SYNE3: variants seen among roughly 807,000 people sequenced by gnomAD.
SYNE3 encodes the protein spectrin repeat containing nuclear envelope family member 3.
A neutral mutation model predicts 111.2 loss-of-function variants in SYNE3; 100 were observed. The ratio of observed to expected loss-of-function variants is 0.90; its 90% CI spans 0.77 to 1.06. SYNE3 has a LOEUF of 1.06. Ranked by LOEUF, SYNE3 falls within the 50% of genes least tolerant of loss-of-function variation. The probability of loss-of-function intolerance (pLI) is 0.00; values close to 1 mark genes in which losing one functional copy is unlikely to be tolerated. For synonymous variants in SYNE3, 547 were observed against 533.9 expected (o/e 1.02, Z -0.34); for missense variants, 1,160 against 1,240.3 (o/e 0.94, Z 0.97).
chr14:95,427,649 C>T (rs1374708740), intron 17 of SYNE3, among the ~76,000 whole-genome samples: 1 of 152,228 alleles, frequency 6.6e-6, no homozygotes, highest in Non-Finnish European at 1.5e-5. Context: ...GGACATGTGA[C>T]TCATGTGACC....
At chr14:95,442,458 G>T (rs1382587201) in intron 11 of SYNE3, among the ~76,000 whole-genome samples, 1 of 152,184 alleles carries the variant, frequency 6.6e-6, no homozygotes, top group African/African-American at 2.4e-5. Context: ...AGGAGGGAGA[G>T]CTCTCACTGC....
chr14:95,505,129 C>T (rs980792238), intron 1 of SYNE3, among the ~76,000 whole-genome samples: 2 of 152,248 alleles, frequency 1.3e-5, no homozygotes, highest in Non-Finnish European at 2.9e-5. Flanking sequence ...TTGGTTCGCC[C>T]AAGCACAAGT....
intron 17 of SYNE3, chr14:95,429,869 C>A: frequency 1.1e-6 from 1 of 913,250 alleles, no homozygotes; most frequent in Non-Finnish European, 1.3e-6. Context: ...TGGACATGTG[C>A]GCTCTGGTCC....
At chr14:95,432,518 T>G (rs1050365204) in intron 16 of SYNE3, among the ~76,000 whole-genome samples, 1 of 152,156 alleles carries the variant, frequency 6.6e-6, no homozygotes, top group African/African-American at 2.4e-5. Context: ...CTAGGAAACT[T>G]AATGTCCGTG....
chr14:95,495,883 C>T (rs931002547), intron 1 of SYNE3, among the ~76,000 whole-genome samples: 6 of 152,216 alleles, frequency 3.9e-5, no homozygotes, highest in Admixed American at 6.5e-5. Context: ...GGGACAAGCC[C>T]GAGGGGCCAG....
At chr14:95,479,610 G>A (rs1236815763) in intron 1 of SYNE3, among the ~76,000 whole-genome samples, 3 of 152,150 alleles carry the variant, frequency 2.0e-5, no homozygotes, top group Non-Finnish European at 2.9e-5. Flanking sequence ...AGGATGTAGA[G>A]ACAGACCAAG....
intron 2 of SYNE3, among the ~76,000 whole-genome samples, chr14:95,469,539 A>T (rs1177070077): frequency 5.7e-5 from 4 of 70,568 alleles, no homozygotes; most frequent in Non-Finnish European, 1.2e-4. Flanking sequence ...TACAAAAAAA[A>T]AAAAAAAAAA....
chr14:95,462,015 G>A (rs1276533961), intron 4 of SYNE3, among the ~76,000 whole-genome samples: 1 of 152,182 alleles, frequency 6.6e-6, no homozygotes, highest in Non-Finnish European at 1.5e-5. Flanking sequence ...TTGAGTGGTT[G>A]GATCTCTGGC....
chr14:95,488,355 T>C (rs1889656479), intron 1 of SYNE3, among the ~76,000 whole-genome samples: 1 of 152,214 alleles, frequency 6.6e-6, no homozygotes, highest in South Asian at 2.1e-4. Flanking sequence ...TTGTTCCTTT[T>C]TGTTACTGAG....
chr14:95,466,271 G>T, intron 3 of SYNE3, 31 bp from the exon 4 acceptor site: 1 of 1,530,484 alleles, frequency 6.5e-7, no homozygotes, highest in South Asian at 1.2e-5. Flanking sequence ...AGGTTGTGAG[G>T]GAACCAGCCA....
rs1381303368 is a variant in SYNE3, at chr14:95,416,578, C to T, written c.*1248G>A. 1 of 152,194 alleles carries T rather than the reference C, an allele frequency of 6.6e-6. No homozygotes were observed. The highest frequency in any genetic ancestry group is 1.5e-5 in the Non-Finnish European group (1 of 68,052). The allele number at this position is 152,194 out of a possible 1,614,324, so 9.4% of individuals were successfully genotyped here. The stretch of plus-strand genomic sequence containing the variant: ...CACATGGAGTCACCGCGGCCCCAGC[C>T]CAGGTGGTGCATGGAGCCCAGCTCG... On this transcript the variant is annotated 3_prime_UTR_variant, in exon 18 of 18. Transcript: ENST00000682763.
chr14:95,440,574 A>G (rs1381227270), intron 11 of SYNE3, among the ~76,000 whole-genome samples: 1 of 152,250 alleles, frequency 6.6e-6, no homozygotes, highest in African/African-American at 2.4e-5. Flanking sequence ...ATATTCACAC[A>G]ATGGAATGTT....
At chr14:95,482,704 C>A (rs1465955053) in intron 1 of SYNE3, among the ~76,000 whole-genome samples, 1 of 152,102 alleles carries the variant, frequency 6.6e-6, no homozygotes, top group Non-Finnish European at 1.5e-5. Context: ...AAGTGGTGGA[C>A]CCAGGTCCAC....
At position 95,417,876 on chromosome 14, in the gene SYNE3, C is replaced by CGAAGTTGTTG. The variant is rs1307514000; in HGVS notation, c.2868_2877dup (p.Ala960GlnfsTer41). 6.2e-7 allele frequency: 1 copy of CGAAGTTGTTG among 1,614,006 alleles called. No individual in the cohort carries two copies. Among genetic ancestry groups the CGAAGTTGTTG allele is most frequent in the East Asian group, 2.2e-5 (1 of 44,884 alleles). On this transcript the variant is annotated frameshift_variant, in exon 18 of 18. Coordinates refer to ENST00000682763, the MANE Select transcript of SYNE3 (RefSeq NM_152592.6). LOFTEE classifies it high-confidence loss of function. ...CGCAGCATGAGCGTGAAGGAGCGGG[C>CGAAGTTGTTG]GAAGTTGTTGGCCAGGGTGCAGCTG...
chr14:95,437,055 T>C (rs2139384915), intron 14 of SYNE3, 74 bp from the exon 15 acceptor site: 1 of 1,591,504 alleles, frequency 6.3e-7, no homozygotes, highest in South Asian at 1.1e-5. Flanking sequence ...GAATTCCACC[T>C]GAGGCAGAGG....
chr14:95,495,044 GGAGGTTGCAGTGAGCC>G (rs1890028193), intron 1 of SYNE3, among the ~76,000 whole-genome samples: 1 of 151,874 alleles, frequency 6.6e-6, no homozygotes, highest in Non-Finnish European at 1.5e-5. Context: ...CCTGGGAGGC[GGAGGTTGCAGTGAGCC>G]GAGATCATGC....
At chr14:95,516,408 C>A (rs1215960011) in intron 1 of SYNE3, among the ~76,000 whole-genome samples, 188 bp downstream of exon 1, 1 of 152,120 alleles carries the variant, frequency 6.6e-6, no homozygotes, top group African/African-American at 2.4e-5. Flanking sequence ...TACCCGCCCG[C>A]CCGCAGCTGT....
intron 14 of SYNE3, 93 bp from the exon 15 acceptor site, chr14:95,437,074 C>T (rs1269819856): frequency 1.3e-6 from 2 of 1,537,216 alleles, no homozygotes; most frequent in African/African-American, 2.7e-5. Context: ...GGGGCAGGGA[C>T]CAGGACAAGA....
At chr14:95,498,685 G>A (rs544921502) in intron 1 of SYNE3, among the ~76,000 whole-genome samples, 1 of 152,324 alleles carries the variant, frequency 6.6e-6, no homozygotes, top group East Asian at 1.9e-4. Flanking sequence ...TCAGGCAAGT[G>A]TATTCACCTG....
Sources: gnomAD v4.1 joint callset for allele counts (sites outside exome capture counted in the v4.1 genomes callset) on GRCh38, gnomAD v4.1.1 for gene constraint, MANE v1.5 for transcripts, NCBI Gene and HGNC (gene_info 2026-07-23, HGNC 2026-07-21) for gene names.